The following INSR variants were observed in gnomAD, a reference collection of about 807,000 sequenced individuals.
The protein encoded by INSR is IR.
INSR carries 67 observed loss-of-function variants against 142.6 expected under a neutral mutation model. That is an observed-to-expected ratio of 0.47 (90% confidence interval 0.39 to 0.58). The LOEUF (loss-of-function observed/expected upper bound fraction) is 0.58. INSR is among the 20% of genes least tolerant of loss of function. The pLI, the probability that INSR is intolerant of heterozygous loss-of-function variation, is 0.00. For synonymous variants in INSR, 756 were observed against 743.1 expected (o/e 1.02, Z -0.28); for missense variants, 1,248 against 1,833.2 (o/e 0.68, Z 5.83).
At chr19:7,141,474 A>T (rs1973067994) in intron 13 of INSR, 3 of 663,900 alleles carry the variant, frequency 4.5e-6, no homozygotes, top group Non-Finnish European at 7.7e-6. Context: ...TGAGAAACTA[A>T]GAAAAGTAAC....
At chr19:7,199,185 T>C (rs909933871) in intron 2 of INSR, among the ~76,000 whole-genome samples, 9 of 152,158 alleles carry the variant, frequency 5.9e-5, no homozygotes, top group African/African-American at 2.2e-4. Flanking sequence ...AAGTGTGTAA[T>C]CTGTTTGCAG....
intron 1 of INSR, among the ~76,000 whole-genome samples, chr19:7,278,206 A>C (rs541272869): frequency 1.3e-5 from 2 of 152,224 alleles, no homozygotes; most frequent in Admixed American, 6.5e-5. Context: ...GGATGAAGGA[A>C]GAAAACAAGT....
At chr19:7,154,097 G>T (rs1272868488) in intron 9 of INSR, among the ~76,000 whole-genome samples, 1 of 151,798 alleles carries the variant, frequency 6.6e-6, no homozygotes, top group East Asian at 2.0e-4. Flanking sequence ...GGAGGTGGAG[G>T]TTGCAGTGAG....
Position 7,166,198 on chromosome 19 carries a change from T to A in INSR, c.1817A>T (p.Tyr606Phe), listed in dbSNP as rs1355990207. ...LVTFSDERRT[Y>F]GAKSDIIYVQ... The stretch of plus-strand genomic sequence containing the variant: ...ATAAATGATGTCACTCTTGGCCCCA[T>A]AGGTCCGGCGTTCATCCGAAAAGGT... Residue 606 changes from tyrosine (Y) to phenylalanine (F), a missense_variant, in exon 8 of 22, where the codon TAT (tyrosine) becomes TTT (phenylalanine). Tyr to Phe is a conservative substitution (Grantham distance 22). Coordinates refer to ENST00000302850, the MANE Select transcript of INSR (RefSeq NM_000208.4). The surrounding 1 kb of genome is among the most constrained non-coding windows in gnomAD (Gnocchi z 4.1). 6 of 1,614,084 alleles carry A rather than the reference T, an allele frequency of 3.7e-6. No homozygotes were observed. Among genetic ancestry groups the A allele is most frequent in the Non-Finnish European group, 5.1e-6 (6 of 1,180,010 alleles).
chr19:7,166,626 C>G lies in INSR; in HGVS notation c.1611-222G>C, dbSNP rs1271153704. Among the ~76,000 whole-genome samples, 1 of 152,142 alleles carries G rather than the reference C, an allele frequency of 6.6e-6. No individual in the cohort carries two copies. ...CAGCTTGGGCATCCCTTATTCAAAA[C>G]ACTTGAGACTTGGCCAAGTGCAGTG... On this transcript the variant is annotated intron_variant, in intron 7 of 21. Coordinates refer to ENST00000302850, the MANE Select transcript of INSR (RefSeq NM_000208.4). The surrounding 1 kb of genome is among the most constrained non-coding windows in gnomAD (Gnocchi z 4.1).
At chr19:7,158,528 A>T (rs1473511200) in intron 9 of INSR, among the ~76,000 whole-genome samples, 1 of 152,026 alleles carries the variant, frequency 6.6e-6, no homozygotes, top group African/African-American at 2.4e-5. Flanking sequence ...AGAAAAGAAA[A>T]ATGAGCATAA....
At chr19:7,268,879 G>T (rs975541174) in intron 1 of INSR, among the ~76,000 whole-genome samples, 5 of 152,068 alleles carry the variant, frequency 3.3e-5, no homozygotes, top group Non-Finnish European at 4.4e-5. Flanking sequence ...AAGATATCCA[G>T]TTCAAATGCT....
At chr19:7,266,460 A>C (rs1967734070) in intron 2 of INSR, among the ~76,000 whole-genome samples, 1 of 145,792 alleles carries the variant, frequency 6.9e-6, no homozygotes, top group South Asian at 2.1e-4. Context: ...ATCTCGGCTC[A>C]CTGCAACCTC....
At chr19:7,237,375 G>A (rs901629551) in intron 2 of INSR, among the ~76,000 whole-genome samples, 2 of 151,510 alleles carry the variant, frequency 1.3e-5, no homozygotes, top group African/African-American at 4.9e-5. Flanking sequence ...AAATTAGCCG[G>A]GCGTGGTGGC....
At chr19:7,238,513 C>T (rs762920390) in intron 2 of INSR, among the ~76,000 whole-genome samples, 20 of 149,752 alleles carry the variant, frequency 1.3e-4, no homozygotes, top group South Asian at 4.2e-4. Context: ...TCCAGCTACC[C>T]GAGAGGCTGA....
intron 2 of INSR, among the ~76,000 whole-genome samples, chr19:7,258,298 G>A (rs555074432): frequency 6.6e-6 from 1 of 152,284 alleles, no homozygotes; most frequent in East Asian, 1.9e-4. Context: ...AATTAGCTGG[G>A]CGTGGTGGTG....
At chr19:7,244,888 T>C (rs1428024187) in intron 2 of INSR, among the ~76,000 whole-genome samples, 3 of 151,866 alleles carry the variant, frequency 2.0e-5, no homozygotes, top group Admixed American at 6.6e-5. Context: ...TTAATTAAAT[T>C]TTTAAATCAA....
chr19:7,191,944 A>G (rs1244445069), intron 2 of INSR, among the ~76,000 whole-genome samples: 1 of 132,552 alleles, frequency 7.5e-6, no homozygotes, highest in African/African-American at 2.6e-5. Flanking sequence ...GAAGGAAGGA[A>G]GGAGAGAGAT....
chr19:7,135,976 A>AAAAAAAAAAG (rs60435269), intron 13 of INSR, among the ~76,000 whole-genome samples: 15,980 of 146,008 alleles, frequency 0.11, 1,760 homozygotes, highest in East Asian at 0.56. Flanking sequence ...TCAAAAAAAA[A>AAAAAAAAAAG]AAAGAAAGAA....
chr19:7,289,275 G>C (rs1968426361), intron 1 of INSR, among the ~76,000 whole-genome samples: 1 of 152,210 alleles, frequency 6.6e-6, no homozygotes, highest in South Asian at 2.1e-4. Context: ...GGAAAGGGCA[G>C]GGAGGACTGG....
At chr19:7,235,642 G>A (rs1405913236) in intron 2 of INSR, among the ~76,000 whole-genome samples, 5 of 152,006 alleles carry the variant, frequency 3.3e-5, no homozygotes, top group African/African-American at 9.7e-5. Flanking sequence ...GAGATCCCAG[G>A]GGTTCAAGAC....
At chr19:7,151,737 G>A (rs1432914907) in intron 10 of INSR, among the ~76,000 whole-genome samples, 2 of 151,982 alleles carry the variant, frequency 1.3e-5, no homozygotes, top group Non-Finnish European at 2.9e-5. Flanking sequence ...ACACACTGGT[G>A]GTTCTGGGAG....
At chr19:7,154,513 A>T (rs1973537139) in intron 9 of INSR, among the ~76,000 whole-genome samples, 1 of 150,682 alleles carries the variant, frequency 6.6e-6, no homozygotes, top group Non-Finnish European at 1.5e-5. Flanking sequence ...TGTGTTAGCC[A>T]GGATGGTCTC....
At chr19:7,198,677 C>T (rs1280722604) in intron 2 of INSR, among the ~76,000 whole-genome samples, 6 of 152,108 alleles carry the variant, frequency 3.9e-5, no homozygotes, top group Non-Finnish European at 8.8e-5. Context: ...CTCGCCGGGC[C>T]AGTGCACCCT....
Sources: allele counts gnomAD v4.1 joint callset (sites outside exome capture counted in the v4.1 genomes callset), GRCh38; gene constraint gnomAD v4.1.1; non-coding constraint Gnocchi (gnomAD v3.1); transcripts MANE v1.5; gene names NCBI Gene and HGNC (gene_info 2026-07-23, HGNC 2026-07-21).